STARD5: variants seen among roughly 807,000 people sequenced by gnomAD.
STARD5 encodes stAR-related lipid transfer protein 5.
STARD5 carries 26 observed loss-of-function variants against 24.6 expected under a neutral mutation model. The observed-to-expected ratio is 1.06, with a 90% confidence interval of 0.77 to 1.47. STARD5 has a LOEUF of 1.47. STARD5 is among the 40% of genes most tolerant of loss of function. The pLI, the probability that STARD5 is intolerant of heterozygous loss-of-function variation, is 0.00. For synonymous variants in STARD5, 101 were observed against 99.7 expected (o/e 1.01, Z -0.07); for missense variants, 254 against 270.8 (o/e 0.94, Z 0.44).
At chr15:81,319,023 G>C (rs944588688) in intron 4 of STARD5, among the ~76,000 whole-genome samples, 1 of 151,860 alleles carries the variant, frequency 6.6e-6, no homozygotes, top group Non-Finnish European at 1.5e-5. Flanking sequence ...CACGGCCATA[G>C]ATTTTGCACA....
rs769030458 is a variant in STARD5, at chr15:81,322,491, A to T, written c.199T>A (p.Cys67Ser). The T allele has an allele frequency of 2.5e-6, 4 of 1,614,120 alleles. No individual in the cohort carries two copies. The highest frequency in any genetic ancestry group is 3.4e-6 in the Non-Finnish European group (4 of 1,180,046). ...AGGCCTCCAACAGCTGGCTTCACACAGTCCCACACCTCCTCTAGTGTCCCA... is the reference window on the plus strand; with the variant it reads ...AGGCCTCCAACAGCTGGCTTCACACTGTCCCACACCTCCTCTAGTGTCCCA... ...VYGTLEEVWDCVKPAVGGLRV... is the reference protein window; with the variant it reads ...VYGTLEEVWDSVKPAVGGLRV... Residue 67 changes from cysteine (C) to serine (S), a missense_variant, in exon 3 of 6, where the codon TGT (cysteine) becomes AGT (serine). By Grantham distance (112) the Cys-to-Ser change is moderately radical. Coordinates refer to ENST00000302824, the MANE Select transcript of STARD5 (RefSeq NM_181900.3).
chr15:81,323,493 T>C (rs926282124), intron 1 of STARD5: 24 of 474,880 alleles, frequency 5.1e-5, no homozygotes, highest in Middle Eastern at 6.4e-4. Context: ...GTCAGAAGGG[T>C]CAAGCAAAAC....
At chr15:81,315,707 T>C (rs567142539) in intron 5 of STARD5, among the ~76,000 whole-genome samples, 2 of 151,858 alleles carry the variant, frequency 1.3e-5, no homozygotes, top group African/African-American at 4.8e-5. Context: ...TCACCCCCAA[T>C]GAGTCCTCTT....
Position 81,319,089 on chromosome 15 carries a change from C to T in STARD5, c.400+250G>A, listed in dbSNP as rs541483295. On this transcript the variant is annotated intron_variant, in intron 4 of 5. Transcript: ENST00000302824. ...GTGTACAGCACACACCATGAGCTTC[C>T]GCAGGAAAAAAAAAAAAGGGGCACT... is the stretch of plus-strand genomic sequence containing the variant. Among the ~76,000 whole-genome samples, 5 of 148,102 alleles carry T rather than the reference C, an allele frequency of 3.4e-5. No homozygotes were observed. The East Asian group carries it at 5.9e-4, about 17-fold the overall frequency.
chr15:81,319,449 C>T lies in STARD5; in HGVS notation c.290G>A (p.Cys97Tyr), dbSNP rs147215837. The change falls in exon 4 of 6, where the codon TGT becomes TAT. Residue 97 changes from cysteine (C) to tyrosine (Y), a missense_variant. Transcript: ENST00000302824. ...GGAGGGAGTGGAGGTTCTGCTTACA[C>T]ACAGGGTCTGCCAAACCAAAGAAGC... Reference protein sequence around the residue: ...EIIQSITDTLCVSRTSTPSAA... With the variant: ...EIIQSITDTLYVSRTSTPSAA... The T allele has an allele frequency of 4.3e-6, 7 of 1,614,022 alleles. No individual in the cohort carries two copies. In the African/African-American group the frequency reaches 9.3e-5, roughly 22 times the overall value.
At chr15:81,314,959 G>A (rs549303115) in intron 5 of STARD5, among the ~76,000 whole-genome samples, 61 of 151,410 alleles carry the variant, frequency 4.0e-4, no homozygotes, top group African/African-American at 1.4e-3. Context: ...CTGGGGCATG[G>A]AACAGGATGG....
rs1425758451 is a variant in STARD5, at chr15:81,310,665, A to T, written c.*2591T>A. ...GGAGGGCACATTCCTTGCCTGCACAAACTCACCATCTGTGCACGCAGTGGC... is the reference window on the plus strand; with the variant it reads ...GGAGGGCACATTCCTTGCCTGCACATACTCACCATCTGTGCACGCAGTGGC... On this transcript the variant is annotated 3_prime_UTR_variant, in exon 6 of 6. Transcript: ENST00000302824. 6.6e-6 allele frequency: 1 copy of T among 152,212 alleles called. No individual in the cohort carries two copies. The highest frequency in any genetic ancestry group is 1.5e-5 in the Non-Finnish European group (1 of 68,038). 9.4% of individuals were successfully genotyped at this position (152,212 alleles called of 1,614,324 possible).
intron 3 of STARD5, among the ~76,000 whole-genome samples, chr15:81,319,951 G>T (rs897111671): frequency 2.0e-5 from 3 of 152,200 alleles, no homozygotes; most frequent in African/African-American, 7.2e-5. Context: ...CCCTGCACTT[G>T]CTCAGCCTCC....
rs565348528 is a variant in STARD5 at position 81,318,819 on chromosome 15, G to T, written c.401-317C>A. 5.9e-5 allele frequency among the ~76,000 whole-genome samples: 9 copies of T among 152,296 alleles called. No individual in the cohort carries two copies. The South Asian group carries it at 1.5e-3, about 25-fold the overall frequency. On this transcript the variant is annotated intron_variant, in intron 4 of 5. Transcript: ENST00000302824. ...AGCTTGTCAAGAATATCAGAGAAAA[G>T]AACATTCTAGAACACAAGGTTTGGT...
At position 81,324,082 on chromosome 15, in the gene STARD5, T is replaced by A; in HGVS notation, c.18A>T (p.Ala6=). MDPAL[A]AQMSEAVAEK... is the part of the protein sequence containing the mutation. ...CGGCCACAGCCTCGCTCATCTGGGC[T>A]GCCAGCGCCGGGTCCATTGCGTCGG... Residue 6 remains alanine, a synonymous_variant, in exon 1 of 6, where the codon GCA becomes GCT. Transcript: ENST00000302824. 1 of 1,517,824 alleles carries A rather than the reference T, an allele frequency of 6.6e-7. No individual in the cohort carries two copies. Among genetic ancestry groups the A allele is most frequent in the Non-Finnish European group, 8.9e-7 (1 of 1,122,386 alleles). 94.0% of individuals were successfully genotyped at this position (1,517,824 alleles called of 1,614,324 possible).
At chr15:81,319,657 A>G (rs6495561) in intron 3 of STARD5, among the ~76,000 whole-genome samples, 9,799 of 152,276 alleles carry the variant, frequency 0.064, 1,067 homozygotes, top group African/African-American at 0.22. Context: ...GCTGTGACAC[A>G]GGCTGCCCAC....
At chr15:81,318,709 AACTC>A (rs1188852744) in intron 4 of STARD5, among the ~76,000 whole-genome samples, 3 of 152,136 alleles carry the variant, frequency 2.0e-5, no homozygotes, top group South Asian at 2.1e-4. Flanking sequence ...CGTGTACACA[AACTC>A]ACACACAGAC....
chr15:81,315,703 C>G (rs918563458), intron 5 of STARD5, among the ~76,000 whole-genome samples: 1 of 152,190 alleles, frequency 6.6e-6, no homozygotes, highest in East Asian at 1.9e-4. Flanking sequence ...CACCTCACCC[C>G]CAATGAGTCC....
rs1900927115 is a variant in STARD5 at position 81,312,707 on chromosome 15, C to T, written c.*549G>A. 1 of 152,244 alleles carries T rather than the reference C, an allele frequency of 6.6e-6. No individual in the cohort carries two copies. Among genetic ancestry groups the T allele is most frequent in the Admixed American group, 6.5e-5 (1 of 15,284 alleles). The allele number at this position is 152,244 out of a possible 1,614,324, so 9.4% of individuals were successfully genotyped here. A position where few individuals can be genotyped will look rare whatever the true frequency, so the allele number is the denominator to read the frequency against. On this transcript the variant is annotated 3_prime_UTR_variant, in exon 6 of 6. Coordinates refer to ENST00000302824, the MANE Select transcript of STARD5 (RefSeq NM_181900.3). ...TTATCCTGTTTTTAAACCATTATTTCCAAGTTGACACCTTTTTTAAGGAAA... is the reference window on the plus strand; with the variant it reads ...TTATCCTGTTTTTAAACCATTATTTTCAAGTTGACACCTTTTTTAAGGAAA...
At chr15:81,318,900 T>C (rs1350884730) in intron 4 of STARD5, among the ~76,000 whole-genome samples, 1 of 152,126 alleles carries the variant, frequency 6.6e-6, no homozygotes, top group Non-Finnish European at 1.5e-5. Context: ...CATGGATGCA[T>C]CCAACTCTCC....
chr15:81,317,194 CAA>C (rs34300152), intron 5 of STARD5, among the ~76,000 whole-genome samples: 31 of 106,626 alleles, frequency 2.9e-4, no homozygotes, highest in African/African-American at 3.9e-4. Context: ...AACTCCGTCT[CAA>C]AAAAAAAAAA....
At chr15:81,317,205 A>AG (rs1278961276) in intron 5 of STARD5, among the ~76,000 whole-genome samples, 2 of 151,962 alleles carry the variant, frequency 1.3e-5, no homozygotes, top group East Asian at 3.9e-4. Context: ...AAAAAAAAAA[A>AG]AAAAAAATCC....
At chr15:81,318,606 A>T (rs957268191) in intron 4 of STARD5, 104 bp from the exon 5 acceptor site, 128 of 1,016,192 alleles carry the variant, frequency 1.3e-4, no homozygotes, top group Middle Eastern at 3.1e-4. Context: ...GCAGCCCTGG[A>T]GTCTGTGAGG....
At position 81,323,600 on chromosome 15, in the gene STARD5, C is replaced by T. The variant is rs1596073092; in HGVS notation, c.99+401G>A. 4.4e-6 allele frequency: 6 copies of T among 1,355,180 alleles called. No individual in the cohort carries two copies. In the Admixed American group the frequency reaches 1.0e-4, roughly 23 times the overall value. 83.9% of individuals were successfully genotyped at this position (1,355,180 alleles called of 1,614,324 possible). A position where few individuals can be genotyped will look rare whatever the true frequency, so the allele number is the denominator to read the frequency against. ...AGTATGCATCAGATGCTGGATCAGA[C>T]TTTACTGGATTTAAACAACATGTAA... is the stretch of plus-strand genomic sequence containing the variant. On this transcript the variant is annotated intron_variant, in intron 1 of 5. Coordinates refer to ENST00000302824, the MANE Select transcript of STARD5 (RefSeq NM_181900.3).
Sources: allele counts gnomAD v4.1 joint callset (sites outside exome capture counted in the v4.1 genomes callset), GRCh38; gene constraint gnomAD v4.1.1; transcripts MANE v1.5; gene names NCBI Gene and HGNC (gene_info 2026-07-23, HGNC 2026-07-21).